SMG6: variants seen among roughly 807,000 people sequenced by gnomAD.
SMG6 encodes telomerase-binding protein EST1A.
A neutral mutation model predicts 142.2 loss-of-function variants in SMG6; 66 were observed. That is an observed-to-expected ratio of 0.46 (90% confidence interval 0.38 to 0.57). The LOEUF (loss-of-function observed/expected upper bound fraction) is 0.57, where lower values mean the gene tolerates loss of function less well. SMG6 is among the 20% of genes least tolerant of loss of function. SMG6 has a pLI of 0.00. For missense variants in SMG6, 1,793 were observed against 1,832.0 expected (o/e 0.98, Z 0.39); for synonymous variants, 779 against 702.4 (o/e 1.11, Z -1.72).
intron 16 of SMG6, chr17:2,066,007 A>C: frequency 2.7e-6 from 1 of 364,736 alleles, no homozygotes; most frequent in Non-Finnish European, 5.2e-6. Flanking sequence ...ACTCACGTGA[A>C]AGGGTCCCTC....
intron 8 of SMG6, among the ~76,000 whole-genome samples, chr17:2,259,714 A>G (rs2074271024): frequency 6.6e-6 from 1 of 151,202 alleles, no homozygotes; most frequent in Non-Finnish European, 1.5e-5. Flanking sequence ...ATATGTGTGC[A>G]TTCGCACACT....
At chr17:2,169,930 T>C (rs1567654941) in intron 13 of SMG6, among the ~76,000 whole-genome samples, 1 of 152,048 alleles carries the variant, frequency 6.6e-6, no homozygotes, top group Non-Finnish European at 1.5e-5. Flanking sequence ...GAAGACAGAA[T>C]TGTATCTGTG....
At chr17:2,207,042 C>A (rs2072703592) in intron 10 of SMG6, among the ~76,000 whole-genome samples, 1 of 146,478 alleles carries the variant, frequency 6.8e-6, no homozygotes, top group South Asian at 2.1e-4. Context: ...GAAGCCGGGG[C>A]AGGCAGATCA....
intron 13 of SMG6, among the ~76,000 whole-genome samples, chr17:2,172,327 G>T (rs1365233367): frequency 6.6e-6 from 1 of 152,046 alleles, no homozygotes; most frequent in Admixed American, 6.6e-5. Context: ...GAGGAAGGGG[G>T]AGAAAGGAGG....
intron 9 of SMG6, among the ~76,000 whole-genome samples, chr17:2,244,158 GT>G (rs1229333896): frequency 6.6e-6 from 1 of 152,184 alleles, no homozygotes; most frequent in Non-Finnish European, 1.5e-5. Flanking sequence ...AAGAGGCTTG[GT>G]ATCTAATGAG....
intron 10 of SMG6, among the ~76,000 whole-genome samples, chr17:2,211,371 A>C (rs2072855618): frequency 6.6e-6 from 1 of 152,146 alleles, no homozygotes; most frequent in Non-Finnish European, 1.5e-5. Flanking sequence ...AATAACAAAA[A>C]GGTGTTATTT....
At chr17:2,065,199 C>T (rs1208791733) in intron 17 of SMG6, 45 bp from the exon 18 acceptor site, 13 of 1,504,342 alleles carry the variant, frequency 8.6e-6, no homozygotes, top group Non-Finnish European at 1.2e-5. Flanking sequence ...CAGAAGGGGG[C>T]GCCATGTGGA....
At chr17:2,069,726 G>C (rs2068048391) in intron 15 of SMG6, among the ~76,000 whole-genome samples, 2 of 152,220 alleles carry the variant, frequency 1.3e-5, no homozygotes, top group Non-Finnish European at 2.9e-5. Flanking sequence ...GCAATGTGAT[G>C]AATTAAGACT....
intron 12 of SMG6, among the ~76,000 whole-genome samples, chr17:2,181,055 A>G (rs931577258): frequency 1.3e-5 from 2 of 152,166 alleles, no homozygotes; most frequent in African/African-American, 4.8e-5. Flanking sequence ...TTTGGCATCT[A>G]CAGAACCATT....
chr17:2,259,456 T>A (rs947234657), intron 8 of SMG6, among the ~76,000 whole-genome samples: 2 of 151,626 alleles, frequency 1.3e-5, no homozygotes, highest in African/African-American at 4.8e-5. Context: ...TGTAAGAGGA[T>A]CACTTGGGCC....
At chr17:2,303,161 G>A in intron 1 of SMG6, 1 of 985,440 alleles carries the variant, frequency 1.0e-6, no homozygotes, top group Non-Finnish European at 1.2e-6. Flanking sequence ...GCCTGTCTTG[G>A]GGGGGAAAAG....
intron 13 of SMG6, among the ~76,000 whole-genome samples, chr17:2,166,952 C>T (rs112429979): frequency 6.6e-6 from 1 of 151,588 alleles, no homozygotes; most frequent in Non-Finnish European, 1.5e-5. Flanking sequence ...ATGGCAAAAC[C>T]CCGTCTCTAC....
intron 8 of SMG6, among the ~76,000 whole-genome samples, chr17:2,253,183 C>A: frequency 6.7e-6 from 1 of 150,368 alleles, no homozygotes; most frequent in East Asian, 2.0e-4. Flanking sequence ...GCTCTGTCAC[C>A]CAGGCTGGAG....
intron 9 of SMG6, among the ~76,000 whole-genome samples, chr17:2,237,891 T>C (rs969682990): frequency 6.6e-6 from 1 of 152,216 alleles, no homozygotes; most frequent in Non-Finnish European, 1.5e-5. Context: ...GTCACCAAAG[T>C]ATTTTTTACC....
chr17:2,120,036 G>A (rs911314237), intron 13 of SMG6, among the ~76,000 whole-genome samples: 10 of 151,684 alleles, frequency 6.6e-5, no homozygotes, highest in Non-Finnish European at 1.5e-5. Flanking sequence ...TTGAACTCCT[G>A]GCCTCAAGCG....
intron 10 of SMG6, among the ~76,000 whole-genome samples, chr17:2,210,237 G>A (rs1205178854): frequency 6.6e-6 from 1 of 151,738 alleles, no homozygotes; most frequent in Non-Finnish European, 1.5e-5. Flanking sequence ...CTGCTTCCTG[G>A]GGGGAACTTG....
At chr17:2,138,609 A>C (rs1210296244) in intron 13 of SMG6, among the ~76,000 whole-genome samples, 1 of 152,130 alleles carries the variant, frequency 6.6e-6, no homozygotes, top group Non-Finnish European at 1.5e-5. Flanking sequence ...CCCACATATG[A>C]ATCAGCAGAT....
chr17:2,091,673 CT>C (rs11331439), intron 13 of SMG6, among the ~76,000 whole-genome samples: 83,053 of 140,180 alleles, frequency 0.59, 23,655 homozygotes, highest in Middle Eastern at 0.65. Context: ...AGTCTTTTTG[CT>C]TTTTTTTTTT....
rs577361442 is a variant in SMG6 at position 2,281,755 on chromosome 17, C to T, written c.2661+892G>A. The stretch of plus-strand genomic sequence containing the variant: ...CATATGACCCTTCAACATCTAGCCC[C>T]AGCTTACACCACCCACTGGGTGAAT... On this transcript the variant is annotated intron_variant, in intron 8 of 18. Transcript: ENST00000263073. Among the ~76,000 whole-genome samples, 253 of 152,298 alleles carry T rather than the reference C, an allele frequency of 1.7e-3. 1 individual carries two copies. The highest frequency in any genetic ancestry group is 4.4e-3 in the African/African-American group (181 of 41,564).
Sources: allele counts gnomAD v4.1 joint callset (sites outside exome capture counted in the v4.1 genomes callset), GRCh38; gene constraint gnomAD v4.1.1; transcripts MANE v1.5; gene names NCBI Gene and HGNC (gene_info 2026-07-23, HGNC 2026-07-21).